The following FAM193B variants were observed in gnomAD, a reference collection of about 807,000 sequenced individuals.
FAM193B encodes the protein family with sequence similarity 193 member B, also known as protein FAM193B.
FAM193B carries 27 observed loss-of-function variants against 70.7 expected under a neutral mutation model. That is an observed-to-expected ratio of 0.38 (90% confidence interval 0.28 to 0.53). The LOEUF (loss-of-function observed/expected upper bound fraction) is 0.53. FAM193B is among the 20% of genes least tolerant of loss of function. FAM193B has a pLI of 0.81. For synonymous variants in FAM193B, 448 were observed against 436.0 expected (o/e 1.03, Z -0.34); for missense variants, 1,022 against 1,072.5 (o/e 0.95, Z 0.66).
intron 5 of FAM193B, among the ~76,000 whole-genome samples, chr5:177,526,590 A>G (rs1419102334): frequency 1.3e-5 from 2 of 151,992 alleles, no homozygotes; most frequent in African/African-American, 4.8e-5. Context: ...AACCATATAC[A>G]CTCTGGAAGC....
intron 7 of FAM193B, among the ~76,000 whole-genome samples, chr5:177,522,490 T>A (rs1192103985): frequency 6.6e-6 from 1 of 151,956 alleles, no homozygotes; most frequent in African/African-American, 2.4e-5. Flanking sequence ...TCCCATATAC[T>A]TTTTTTTAAA....
chr5:177,536,349 C>T lies in FAM193B; in HGVS notation c.1076+9G>A. 2 of 1,605,624 alleles carry T rather than the reference C, an allele frequency of 1.2e-6. No individual in the cohort carries two copies. The highest frequency in any genetic ancestry group is 8.5e-7 in the Non-Finnish European group (1 of 1,177,162). ...GGTAGCGAGTTTGCCCTTCATGCAG[C>T]ACACTTACCTGTGAGTGCTAGGGAG... On this transcript the variant is annotated intron_variant, in intron 4 of 8. Transcript: ENST00000514747.
chr5:177,533,888 T>C (rs1763853844), intron 4 of FAM193B, among the ~76,000 whole-genome samples: 1 of 152,260 alleles, frequency 6.6e-6, no homozygotes, highest in Non-Finnish European at 1.5e-5. Flanking sequence ...TTCTCTCCAC[T>C]GTATTGTTCT....
chr5:177,538,021 G>A lies in FAM193B; in HGVS notation c.540C>T (p.Ser180=), dbSNP rs754295253. 1.1e-5 allele frequency: 17 copies of A among 1,555,378 alleles called. No homozygotes were observed. The highest frequency in any genetic ancestry group is 1.4e-5 in the Non-Finnish European group (16 of 1,148,994). The change falls in exon 3 of 9, where the codon TCC becomes TCT. Residue 180 remains serine (S), a synonymous_variant. Transcript: ENST00000514747. The surrounding 1 kb of genome is among the most constrained non-coding windows in gnomAD (Gnocchi z 4.1). ...SSSSSSSSSS[S]SSSSSCPGNS... Reference sequence around the variant, plus strand: ...TCCCAGGGCAGGAAGAGGAGGACGAGGATGAGGATGATGAGGAGGAAGACG... The same window carrying A: ...TCCCAGGGCAGGAAGAGGAGGACGAAGATGAGGATGATGAGGAGGAAGACG...
intron 5 of FAM193B, among the ~76,000 whole-genome samples, chr5:177,527,560 C>T (rs995586182): frequency 1.3e-5 from 2 of 152,206 alleles, no homozygotes; most frequent in South Asian, 2.1e-4. Context: ...CTCACATGTG[C>T]CAGGCACTCT....
At chr5:177,545,808 C>T (rs999494495) in intron 1 of FAM193B, among the ~76,000 whole-genome samples, 10 of 152,190 alleles carry the variant, frequency 6.6e-5, no homozygotes, top group African/African-American at 2.4e-4. Context: ...CAGCACTCAG[C>T]GTGGCCTCAT....
intron 1 of FAM193B, among the ~76,000 whole-genome samples, chr5:177,551,083 C>T (rs1483562304): frequency 6.6e-6 from 1 of 152,042 alleles, no homozygotes; most frequent in African/African-American, 2.4e-5. Flanking sequence ...GATCCTCCTG[C>T]CTCAGCCTCC....
At chr5:177,541,685 C>T (rs1025886749) in intron 1 of FAM193B, among the ~76,000 whole-genome samples, 33 of 152,308 alleles carry the variant, frequency 2.2e-4, no homozygotes, top group African/African-American at 7.5e-4. Flanking sequence ...TCCCAAAGTA[C>T]TAGGATTACA....
At position 177,536,393 on chromosome 5, in the gene FAM193B, T is replaced by C; in HGVS notation, c.1041A>G (p.Pro347=). Residue 347 remains proline (P), a synonymous_variant, in exon 4 of 9, where the codon CCA becomes CCG. Coordinates refer to ENST00000514747, the MANE Select transcript of FAM193B (RefSeq NM_001190946.3). The part of the protein sequence containing the change: ...CGGHCSGPLL[P]PPSSQPLPST... ...TAGGGAGTGGCTGAGAGCTCGGGGGTGGGAGGAGAGGCCCACTGCAGTGCC... is the reference window on the plus strand; with the variant it reads ...TAGGGAGTGGCTGAGAGCTCGGGGGCGGGAGGAGAGGCCCACTGCAGTGCC... 6.2e-7 allele frequency: 1 copy of C among 1,602,604 alleles called. No individual in the cohort carries two copies. Among genetic ancestry groups the C allele is most frequent in the Non-Finnish European group, 8.5e-7 (1 of 1,176,466 alleles).
intron 1 of FAM193B, among the ~76,000 whole-genome samples, chr5:177,543,062 T>C (rs1358211141): frequency 1.3e-5 from 2 of 152,180 alleles, no homozygotes; most frequent in African/African-American, 2.4e-5. Context: ...ATGGTTCCAA[T>C]CTTAACCGCG....
At position 177,532,751 on chromosome 5, in the gene FAM193B, AGAGGT is replaced by A; in HGVS notation, c.1077-115_1077-111del. 2 of 1,066,352 alleles carry A rather than the reference AGAGGT, an allele frequency of 1.9e-6. No individual in the cohort carries two copies. Among genetic ancestry groups the A allele is most frequent in the Admixed American group, 3.3e-5 (1 of 29,998 alleles). 66.1% of individuals were successfully genotyped at this position (1,066,352 alleles called of 1,614,324 possible). ...CCGCCCTTCACTTGCCCCACTCCAC[AGAGGT>A]CCCAGGTGGTCCAACTACATTGCAC... On this transcript the variant is annotated intron_variant, in intron 4 of 8. Transcript: ENST00000514747. This position sits in a 1 kb window ranked among gnomAD's most constrained non-coding sequence, Gnocchi z 4.9.
chr5:177,536,421 CCA>C lies in FAM193B; in HGVS notation c.1011_1012del (p.Cys337TrpfsTer19). 4 of 1,604,430 alleles carry C rather than the reference CCA, an allele frequency of 2.5e-6. No homozygotes were observed. Among genetic ancestry groups the C allele is most frequent in the Non-Finnish European group, 2.5e-6 (3 of 1,177,130 alleles). Reference sequence around the variant, plus strand: ...GAGGAGAGGCCCACTGCAGTGCCCACCACAGTGCCCGCTGCAGGGGTGGCTGC... The same window carrying C: ...GAGGAGAGGCCCACTGCAGTGCCCACCAGTGCCCGCTGCAGGGGTGGCTGC... On this transcript the variant is annotated frameshift_variant, in exon 4 of 9. Coordinates refer to ENST00000514747, the MANE Select transcript of FAM193B (RefSeq NM_001190946.3). LOFTEE classifies it high-confidence loss of function.
At position 177,544,372 on chromosome 5, in the gene FAM193B, G is replaced by GA. The variant is rs1561782733; in HGVS notation, c.211-5226dup. Among the ~76,000 whole-genome samples the GA allele has an allele frequency of 2.0e-5, 3 of 152,306 alleles. No individual in the cohort carries two copies. In the East Asian group the frequency reaches 5.8e-4, roughly 29 times the overall value. ...GCATTCTAGTTTTTCCTGGATAAAA[G>GA]AGAGATAAAATCAAAGGAAGAGGAA... On this transcript the variant is annotated intron_variant, in intron 1 of 8. Coordinates refer to ENST00000514747, the MANE Select transcript of FAM193B (RefSeq NM_001190946.3).
intron 1 of FAM193B, chr5:177,553,233 C>T: frequency 1.0e-6 from 1 of 986,006 alleles, no homozygotes; most frequent in Non-Finnish European, 1.2e-6. Flanking sequence ...GCACCAGCCT[C>T]CCAGAGTCCC....
chr5:177,553,960 G>T (rs1412116550), intron 1 of FAM193B: 2 of 1,246,612 alleles, frequency 1.6e-6, no homozygotes, highest in African/African-American at 3.1e-5. Flanking sequence ...TCACAGCCCA[G>T]TCCCAGTCCC....
chr5:177,532,973 T>C lies in FAM193B; in HGVS notation c.1077-332A>G, dbSNP rs1054566151. Among the ~76,000 whole-genome samples the C allele has an allele frequency of 2.0e-5, 3 of 152,222 alleles. No homozygotes were observed. The highest frequency in any genetic ancestry group is 7.2e-5 in the African/African-American group (3 of 41,440). Reference sequence around the variant, plus strand: ...TCACTGTCATGGTCTGTTTGCGCATTTGTCTCTCAAACTGGACTGCACGCC... The same window carrying C: ...TCACTGTCATGGTCTGTTTGCGCATCTGTCTCTCAAACTGGACTGCACGCC... On this transcript the variant is annotated intron_variant, in intron 4 of 8. Transcript: ENST00000514747. This position sits in a 1 kb window ranked among gnomAD's most constrained non-coding sequence, Gnocchi z 4.9.
At chr5:177,523,292 G>C (rs1362769724) in intron 7 of FAM193B, 2 of 318,866 alleles carry the variant, frequency 6.3e-6, no homozygotes, top group Non-Finnish European at 1.3e-5. Context: ...GAGCCACCGC[G>C]CTTGGCCAAA....
At chr5:177,529,935 C>T (rs1407105716) in intron 5 of FAM193B, among the ~76,000 whole-genome samples, 4 of 152,242 alleles carry the variant, frequency 2.6e-5, no homozygotes, top group South Asian at 2.1e-4. Flanking sequence ...CTTCAGGCGG[C>T]GGGAGAAGGA....
Position 177,538,455 on chromosome 5 carries a change from G to T in FAM193B, c.454-348C>A, listed in dbSNP as rs377299971. Among the ~76,000 whole-genome samples the T allele has an allele frequency of 8.5e-5, 13 of 152,256 alleles. No homozygotes were observed. The East Asian group carries it at 1.4e-3, about 16-fold the overall frequency. ...AAGCTAAACTGTTCCTGGGTAAAAG[G>T]GAAGATCTGCAGCGACGTGAGAAAT... is the stretch of plus-strand genomic sequence containing the variant. On this transcript the variant is annotated intron_variant, in intron 2 of 8. Transcript: ENST00000514747. This position sits in a 1 kb window ranked among gnomAD's most constrained non-coding sequence, Gnocchi z 4.1.
Sources: allele counts gnomAD v4.1 joint callset (sites outside exome capture counted in the v4.1 genomes callset), GRCh38; gene constraint gnomAD v4.1.1; non-coding constraint Gnocchi (gnomAD v3.1); transcripts MANE v1.5; gene names NCBI Gene and HGNC (gene_info 2026-07-23, HGNC 2026-07-21).